NRBP1: variants seen among roughly 807,000 people sequenced by gnomAD.
The protein encoded by NRBP1 is nuclear receptor-binding protein.
NRBP1 carries 10 observed loss-of-function variants against 76.0 expected under a neutral mutation model. The observed-to-expected ratio is 0.13, with a 90% CI of 0.08 to 0.22. The LOEUF (loss-of-function observed/expected upper bound fraction) is 0.22. NRBP1 is among the 10% of genes least tolerant of loss of function. The pLI, the probability that NRBP1 is intolerant of heterozygous loss-of-function variation, is 1.00. For missense variants in NRBP1, 344 were observed against 646.0 expected (o/e 0.53, Z 5.07); for synonymous variants, 235 against 240.2 (o/e 0.98, Z 0.20).
chr2:27,430,937 A>G (rs931445789), intron 1 of NRBP1, among the ~76,000 whole-genome samples: 1 of 152,172 alleles, frequency 6.6e-6, no homozygotes, highest in African/African-American at 2.4e-5. Context: ...AGTACCCATG[A>G]CCCTGAAAAT....
At chr2:27,435,318 A>G (rs781333103) in intron 7 of NRBP1, 91 bp downstream of exon 7, 258 of 1,071,074 alleles carry the variant, frequency 2.4e-4, no homozygotes, top group Non-Finnish European at 3.4e-4. Flanking sequence ...AACAGAGCAA[A>G]ATTCTGAGGT....
intron 7 of NRBP1, chr2:27,435,456 G>C (rs1664266602): frequency 1.7e-6 from 1 of 604,350 alleles, no homozygotes; most frequent in East Asian, 2.7e-5. Flanking sequence ...TTAATACAGA[G>C]ATACTGATAA....
intron 10 of NRBP1, among the ~76,000 whole-genome samples, chr2:27,438,540 G>T (rs1426044868): frequency 6.6e-6 from 1 of 152,244 alleles, no homozygotes; most frequent in Non-Finnish European, 1.5e-5. Context: ...GGATAGTGTG[G>T]AGTAAGTTTC....
At chr2:27,440,969 C>A in intron 14 of NRBP1, 29 bp downstream of exon 14, 2 of 1,612,530 alleles carry the variant, frequency 1.2e-6, no homozygotes, top group Non-Finnish European at 1.7e-6. Context: ...TGGATTGTCT[C>A]CATGGTTGTG....
At chr2:27,434,626 T>TA in intron 5 of NRBP1, 66 bp downstream of exon 5, 3 of 1,591,534 alleles carry the variant, frequency 1.9e-6, no homozygotes, top group Non-Finnish European at 2.6e-6. Flanking sequence ...AGGACTCTGT[T>TA]AATAATGAAG....
chr2:27,438,298 C>T (rs1664394042), intron 10 of NRBP1, among the ~76,000 whole-genome samples: 1 of 152,162 alleles, frequency 6.6e-6, no homozygotes, highest in Non-Finnish European at 1.5e-5. Context: ...TTAAGCACAT[C>T]AGTCAATTTA....
At position 27,428,688 on chromosome 2, in the gene NRBP1, C is replaced by CGAGCTG. The variant is rs1663966557; in HGVS notation, c.-57_-52dup. 5.0e-6 allele frequency: 2 copies of CGAGCTG among 398,054 alleles called. No homozygotes were observed. The highest frequency in any genetic ancestry group is 2.5e-4 in the South Asian group (2 of 7,864). The allele number at this position is 398,054 out of a possible 1,614,324, so 24.7% of individuals were successfully genotyped here. A position where few individuals can be genotyped will look rare whatever the true frequency, so the allele number is the denominator to read the frequency against. On this transcript the variant is annotated 5_prime_UTR_variant, in exon 1 of 18. Coordinates refer to ENST00000379852, the MANE Select transcript of NRBP1 (RefSeq NM_013392.4). ...CGCTGTGATCCGGGGCCCCGGAACC[C>CGAGCTG]GAGCTGGAGCTGAAGCGCAGGCTGC...
intron 2 of NRBP1, 78 bp downstream of exon 2, chr2:27,433,561 G>T (rs1247986933): frequency 1.2e-6 from 2 of 1,602,076 alleles, no homozygotes; most frequent in Non-Finnish European, 1.7e-6. Flanking sequence ...TCTTAAAAGA[G>T]GCCAACCAAA....
chr2:27,434,934 A>G, intron 6 of NRBP1, 172 bp downstream of exon 6: 1 of 695,962 alleles, frequency 1.4e-6, no homozygotes, highest in Non-Finnish European at 2.5e-6. Flanking sequence ...CTAATGCCCT[A>G]ACCACGACAC....
chr2:27,433,281 A>G lies in NRBP1; in HGVS notation c.8A>G (p.Glu3Gly). 6.2e-7 allele frequency: 1 copy of G among 1,613,606 alleles called. No homozygotes were observed. Among genetic ancestry groups the G allele is most frequent in the East Asian group, 2.2e-5 (1 of 44,882 alleles). The change falls in exon 2 of 18, where the codon GAG (glutamate) becomes GGG (glycine). Residue 3 changes from glutamate (E) to glycine (G), a missense_variant. By Grantham distance (98) the Glu-to-Gly change is moderately conservative. This residue lies in a region of NRBP1 where 53 missense variants were observed against 48.4 expected (regional missense o/e 1.09). Transcript: ENST00000379852. ...CTGAGTGTTCCTTCCAGCATGTCGG[A>G]GGGGGAGTCCCAGACAGTACTTAGC... MS[E>G]GESQTVLSSG...
At chr2:27,441,649 G>C in intron 17 of NRBP1, 27 bp downstream of exon 17, 1 of 1,613,790 alleles carries the variant, frequency 6.2e-7, no homozygotes, top group Non-Finnish European at 8.5e-7. Flanking sequence ...CATCTGCCCT[G>C]GCTGCCCCCA....
intron 10 of NRBP1, among the ~76,000 whole-genome samples, chr2:27,438,570 A>G (rs1253938740): frequency 6.6e-6 from 1 of 152,236 alleles, no homozygotes; most frequent in Non-Finnish European, 1.5e-5. Context: ...ATTGAGGTGG[A>G]GTATTCAAGT....
rs754601257 is a variant in NRBP1, at chr2:27,435,236, A to T, written c.661+9A>T. 2.5e-6 allele frequency: 4 copies of T among 1,611,590 alleles called. No homozygotes were observed. In the Admixed American group the frequency reaches 6.7e-5, roughly 27 times the overall value. ...CATCAAGATTGGCTCTGGTGAGGGG[A>T]GGGAGAGGTTCTGGGCAGGGGAGCC... is the stretch of plus-strand genomic sequence containing the variant. On this transcript the variant is annotated intron_variant, in intron 7 of 17. Transcript: ENST00000379852.
Position 27,441,931 on chromosome 2 carries a change from C to T in NRBP1, c.*119C>T. 1 of 682,462 alleles carries T rather than the reference C, an allele frequency of 1.5e-6. No homozygotes were observed. Among genetic ancestry groups the T allele is most frequent in the Non-Finnish European group, 2.6e-6 (1 of 385,074 alleles). The allele number at this position is 682,462 out of a possible 1,614,324, so 42.3% of individuals were successfully genotyped here. A position where few individuals can be genotyped will look rare whatever the true frequency, so the allele number is the denominator to read the frequency against. ...GAAGCCCCTTCCCTCCTTTATTATT[C>T]AGGAGGGCTGGGGGGGCTCCCTGGT... On this transcript the variant is annotated 3_prime_UTR_variant, in exon 18 of 18. Transcript: ENST00000379852.
rs748100033 is a variant in NRBP1 at position 27,433,815 on chromosome 2, T to G, written c.333+20T>G. The G allele has an allele frequency of 8.7e-6, 14 of 1,613,864 alleles. No homozygotes were observed. Among genetic ancestry groups the G allele is most frequent in the Non-Finnish European group, 1.1e-5 (13 of 1,179,968 alleles). On this transcript the variant is annotated intron_variant, in intron 3 of 17. Coordinates refer to ENST00000379852, the MANE Select transcript of NRBP1 (RefSeq NM_013392.4). The stretch of plus-strand genomic sequence containing the variant: ...CAGGAGGTAGGTGATGCTGAAAAGG[T>G]GAAGCCTGGGGAATGTTGGAACACT...
Position 27,441,308 on chromosome 2 carries a change from C to T in NRBP1, c.1425C>T (p.His475=), listed in dbSNP as rs752407996. 1.2e-5 allele frequency: 19 copies of T among 1,613,978 alleles called. No individual in the cohort carries two copies. In the Admixed American group the frequency reaches 1.7e-4, roughly 14 times the overall value. Residue 475 remains histidine (H), a synonymous_variant, in exon 16 of 18, where the codon CAC becomes CAT. Transcript: ENST00000379852. ...LLKLEDKLNR[H]LSCDLMPNEN... Reference sequence around the variant, plus strand: ...AGTTGGAGGACAAACTGAACCGGCACCTGAGCTGTGACCTGATGCCAAGTG... The same window carrying T: ...AGTTGGAGGACAAACTGAACCGGCATCTGAGCTGTGACCTGATGCCAAGTG...
At chr2:27,441,523 C>T (rs1335216700) in intron 16 of NRBP1, 44 bp from the exon 17 acceptor site, 1 of 1,606,398 alleles carries the variant, frequency 6.2e-7, no homozygotes. Context: ...GCCCCAGGTC[C>T]CTCAGTCCCG....
rs1226923253 is a variant in NRBP1, at chr2:27,441,140, A to T, written c.1343A>T (p.Gln448Leu). The T allele has an allele frequency of 6.2e-7, 1 of 1,613,780 alleles. No homozygotes were observed. The highest frequency in any genetic ancestry group is 8.5e-7 in the Non-Finnish European group (1 of 1,179,996). Residue 448 changes from glutamine (Q) to leucine (L), a missense_variant, in exon 15 of 18, where the codon CAG becomes CTG. Around this residue, in one of 3 missense-constraint regions of NRBP1, gnomAD observed 218 missense variants for 309.8 expected, o/e 0.70. Transcript: ENST00000379852. ...EVETRKVVLM[Q>L]CNIESVEEGV... ...TTCCCTCCCTAGGTGGTGCTGATGCAGTGCAACATTGAGTCGGTGGAGGAG... is the reference window on the plus strand; with the variant it reads ...TTCCCTCCCTAGGTGGTGCTGATGCTGTGCAACATTGAGTCGGTGGAGGAG...
In NRBP1 at chr2:27,442,256, A is replaced by G; in HGVS notation, c.*444A>G. 1 of 678,176 alleles carries G rather than the reference A, an allele frequency of 1.5e-6. No individual in the cohort carries two copies. Among genetic ancestry groups the G allele is most frequent in the Non-Finnish European group, 2.3e-6 (1 of 426,802 alleles). 42.0% of individuals were successfully genotyped at this position (678,176 alleles called of 1,614,324 possible). A position where few individuals can be genotyped will look rare whatever the true frequency, so the allele number is the denominator to read the frequency against. On this transcript the variant is annotated 3_prime_UTR_variant, in exon 18 of 18. Transcript: ENST00000379852. ...CTGTAATAAAAGTCTACTTTTTGCTAAAAGCGTCGTGTGTTCGCGCCTTTC... is the reference window on the plus strand; with the variant it reads ...CTGTAATAAAAGTCTACTTTTTGCTGAAAGCGTCGTGTGTTCGCGCCTTTC...
Sources: allele counts gnomAD v4.1 joint callset (sites outside exome capture counted in the v4.1 genomes callset), GRCh38; gene constraint gnomAD v4.1.1; regional missense constraint gnomAD v4.1.1; transcripts MANE v1.5; gene names NCBI Gene and HGNC (gene_info 2026-07-23, HGNC 2026-07-21).